DNAJC1: variants seen among roughly 807,000 people sequenced by gnomAD.
DNAJC1 encodes DnaJ heat shock protein family (Hsp40) member C1.
Under a neutral mutation model 76.6 loss-of-function variants are expected in DNAJC1, and 58 were observed. The ratio of observed to expected loss-of-function variants is 0.76; its 90% CI spans 0.61 to 0.94. DNAJC1 has a LOEUF of 0.94. Ranked by LOEUF, DNAJC1 falls within the 40% of genes least tolerant of loss-of-function variation. DNAJC1 has a pLI of 0.00. For synonymous variants in DNAJC1, 258 were observed against 267.9 expected (o/e 0.96, Z 0.36); for missense variants, 689 against 677.3 (o/e 1.02, Z -0.19).
chr10:21,830,797 T>G (rs900117003), intron 8 of DNAJC1, among the ~76,000 whole-genome samples: 6 of 152,236 alleles, frequency 3.9e-5, no homozygotes, highest in African/African-American at 1.4e-4. Flanking sequence ...GATCATCTTC[T>G]AACTCATGAA....
intron 5 of DNAJC1, among the ~76,000 whole-genome samples, chr10:21,919,253 G>A (rs2131767799): frequency 6.6e-6 from 1 of 152,024 alleles, no homozygotes; most frequent in East Asian, 1.9e-4. Context: ...GTGTTCCCAA[G>A]TGCTGACAAC....
chr10:21,767,855 C>T (rs1483985828), intron 9 of DNAJC1, among the ~76,000 whole-genome samples: 3 of 152,112 alleles, frequency 2.0e-5, no homozygotes, highest in Non-Finnish European at 4.4e-5. Flanking sequence ...ATTATCCAGG[C>T]ACGGTGGCAC....
chr10:21,939,906 G>A (rs1837375999), intron 1 of DNAJC1, among the ~76,000 whole-genome samples: 1 of 139,920 alleles, frequency 7.1e-6, no homozygotes, highest in African/African-American at 2.7e-5. Flanking sequence ...AAATTTAGCA[G>A]TCAACACAGC....
At chr10:21,786,753 G>A (rs566415237) in intron 9 of DNAJC1, among the ~76,000 whole-genome samples, 5 of 152,232 alleles carry the variant, frequency 3.3e-5, no homozygotes, top group African/African-American at 1.2e-4. Flanking sequence ...TTATAGGCAT[G>A]AGCCACTGTG....
At chr10:21,810,984 A>G (rs1295828480) in intron 8 of DNAJC1, among the ~76,000 whole-genome samples, 1 of 152,238 alleles carries the variant, frequency 6.6e-6, no homozygotes, top group Non-Finnish European at 1.5e-5. Context: ...AGTTTTACCC[A>G]GCTACCACGG....
chr10:21,773,868 G>A lies in DNAJC1; in HGVS notation c.1099-7559C>T, dbSNP rs528720612. Among the ~76,000 whole-genome samples the A allele has an allele frequency of 2.0e-5, 3 of 151,300 alleles. No homozygotes were observed. The South Asian group carries it at 6.2e-4, about 31-fold the overall frequency. ...CATAAAGATGTATAAAGGGCCGGGC[G>A]CGGTGGCTCACGCCTGTAATCCCAG... is the stretch of plus-strand genomic sequence containing the variant. On this transcript the variant is annotated intron_variant, in intron 9 of 11. Coordinates refer to ENST00000376980, the MANE Select transcript of DNAJC1 (RefSeq NM_022365.4).
chr10:21,989,605 G>A (rs920049204), intron 1 of DNAJC1, among the ~76,000 whole-genome samples: 2 of 151,942 alleles, frequency 1.3e-5, no homozygotes, highest in Non-Finnish European at 2.9e-5. Flanking sequence ...CACCGCCTGT[G>A]GGGAAAAAAA....
At chr10:21,814,411 C>G (rs1486514923) in intron 8 of DNAJC1, among the ~76,000 whole-genome samples, 1 of 152,194 alleles carries the variant, frequency 6.6e-6, no homozygotes, top group Non-Finnish European at 1.5e-5. Context: ...GCCATAAAGT[C>G]TACTCCCTTT....
intron 8 of DNAJC1, among the ~76,000 whole-genome samples, chr10:21,817,894 AC>A (rs1314144320): frequency 2.0e-5 from 3 of 152,102 alleles, no homozygotes; most frequent in Admixed American, 1.3e-4. Flanking sequence ...TAATCTCTTA[AC>A]CCCGTCATTT....
intron 1 of DNAJC1, among the ~76,000 whole-genome samples, chr10:21,961,459 A>T (rs1487782145): frequency 2.0e-5 from 3 of 152,158 alleles, no homozygotes; most frequent in Non-Finnish European, 4.4e-5. Flanking sequence ...TACTAAGTGA[A>T]ATAAGCCAGA....
At chr10:21,769,603 T>C (rs1306845138) in intron 9 of DNAJC1, among the ~76,000 whole-genome samples, 1 of 152,216 alleles carries the variant, frequency 6.6e-6, no homozygotes, top group Non-Finnish European at 1.5e-5. Context: ...ATGGCTTCAC[T>C]TTCTAACTGC....
At chr10:21,966,560 T>C (rs1313605832) in intron 1 of DNAJC1, among the ~76,000 whole-genome samples, 2 of 152,250 alleles carry the variant, frequency 1.3e-5, no homozygotes, top group South Asian at 4.1e-4. Context: ...CATGGATATT[T>C]ATTTTATCCT....
chr10:21,759,297 GCT>G lies in DNAJC1; in HGVS notation c.1467_1468del (p.Arg489SerfsTer29), dbSNP rs755362932. On this transcript the variant is annotated frameshift_variant, in exon 11 of 12. Transcript: ENST00000376980. LOFTEE classifies it high-confidence loss of function. ...AGTCCACGGCTCCTCTGCAGACCGA[GCT>G]CTCTCTTTTCTCAGGCTCTCCTCGT... 5.0e-6 allele frequency: 8 copies of G among 1,614,104 alleles called. No homozygotes were observed. The East Asian group carries it at 1.1e-4, about 22-fold the overall frequency.
intron 8 of DNAJC1, among the ~76,000 whole-genome samples, chr10:21,834,784 C>T (rs1449012830): frequency 6.6e-6 from 1 of 152,218 alleles, no homozygotes; most frequent in Non-Finnish European, 1.5e-5. Flanking sequence ...GGGGCACCCG[C>T]CATTGCCAAG....
chr10:21,979,356 T>C (rs541614586), intron 1 of DNAJC1, among the ~76,000 whole-genome samples: 1 of 152,192 alleles, frequency 6.6e-6, no homozygotes, highest in South Asian at 2.1e-4. Context: ...TTTATTCAAC[T>C]GATCTAAAGA....
chr10:21,795,596 G>GAAAATGTCT (rs1834742388), intron 9 of DNAJC1, among the ~76,000 whole-genome samples: 1 of 152,184 alleles, frequency 6.6e-6, no homozygotes, highest in Non-Finnish European at 1.5e-5. Flanking sequence ...TTCGGGTGAT[G>GAAAATGTCT]AAAATGTCTA....
rs1021240418 is a variant in DNAJC1, at chr10:21,895,024, C to T, written c.820+9498G>A. The stretch of plus-strand genomic sequence containing the variant: ...TTCTGTTGATCATAAATTACCCAGT[C>T]TCAGTTATTTTGTATAGCAGCACAA... On this transcript the variant is annotated intron_variant, in intron 7 of 11. Coordinates refer to ENST00000376980, the MANE Select transcript of DNAJC1 (RefSeq NM_022365.4). Among the ~76,000 whole-genome samples, 3 of 152,288 alleles carry T rather than the reference C, an allele frequency of 2.0e-5. No individual in the cohort carries two copies. In the East Asian group the frequency reaches 5.8e-4, roughly 29 times the overall value.
chr10:21,818,740 G>A (rs1455160150), intron 8 of DNAJC1, among the ~76,000 whole-genome samples: 1 of 152,170 alleles, frequency 6.6e-6, no homozygotes. Context: ...AGAAAGAAAT[G>A]AGTAAGACCC....
chr10:21,815,731 G>A (rs1835063924), intron 8 of DNAJC1, among the ~76,000 whole-genome samples: 1 of 151,786 alleles, frequency 6.6e-6, no homozygotes, highest in Non-Finnish European at 1.5e-5. Context: ...CAAGGATGAG[G>A]CAGAGGTCAA....
Sources: allele counts gnomAD v4.1 joint callset (sites outside exome capture counted in the v4.1 genomes callset), GRCh38; gene constraint gnomAD v4.1.1; transcripts MANE v1.5; gene names NCBI Gene and HGNC (gene_info 2026-07-23, HGNC 2026-07-21).